MTBP: variants seen among roughly 807,000 people sequenced by gnomAD.
MTBP encodes MDM2 binding protein.
Under a neutral mutation model 117.0 loss-of-function variants are expected in MTBP, and 101 were observed. That is an observed-to-expected ratio of 0.86 (90% CI 0.73 to 1.02). MTBP has a LOEUF of 1.02. MTBP is among the 50% of genes least tolerant of loss of function. MTBP has a pLI of 0.00. For synonymous variants in MTBP, 350 were observed against 351.5 expected (o/e 1.00, Z 0.05); for missense variants, 970 against 1,030.9 (o/e 0.94, Z 0.81).
At chr8:120,495,967 C>T (rs1009860732) in intron 13 of MTBP, among the ~76,000 whole-genome samples, 1 of 152,076 alleles carries the variant, frequency 6.6e-6, no homozygotes, top group Admixed American at 6.6e-5. Flanking sequence ...ACTTCTCCCC[C>T]CCAACATTTG....
At chr8:120,505,529 C>T (rs1814670593) in intron 15 of MTBP, among the ~76,000 whole-genome samples, 1 of 152,100 alleles carries the variant, frequency 6.6e-6, no homozygotes, top group African/African-American at 2.4e-5. Context: ...AGGAAAGAGG[C>T]ACTGTCAGTA....
At chr8:120,460,291 T>A (rs1813556238) in intron 8 of MTBP, among the ~76,000 whole-genome samples, 1 of 152,136 alleles carries the variant, frequency 6.6e-6, no homozygotes, top group Non-Finnish European at 1.5e-5. Context: ...GTGTCCAAAT[T>A]TTTGCTACTG....
At chr8:120,482,873 G>A (rs1373223825) in intron 11 of MTBP, among the ~76,000 whole-genome samples, 5 of 151,542 alleles carry the variant, frequency 3.3e-5, no homozygotes, top group African/African-American at 1.2e-4. Flanking sequence ...CTAATTTTTT[G>A]TATTTTTAGT....
intron 6 of MTBP, among the ~76,000 whole-genome samples, chr8:120,455,840 A>G (rs1195669993): frequency 6.6e-6 from 1 of 152,106 alleles, no homozygotes; most frequent in African/African-American, 2.4e-5. Context: ...TAATTCTATA[A>G]GCACACTGTG....
intron 15 of MTBP, 136 bp downstream of exon 15, chr8:120,502,745 A>T (rs937307095): frequency 3.5e-6 from 2 of 568,030 alleles, no homozygotes; most frequent in Non-Finnish European, 6.0e-6. Flanking sequence ...TACTGTGAAT[A>T]GATAGTTAAT....
At chr8:120,458,084 T>C (rs1813508647) in intron 7 of MTBP, among the ~76,000 whole-genome samples, 1 of 152,186 alleles carries the variant, frequency 6.6e-6, no homozygotes, top group Non-Finnish European at 1.5e-5. Flanking sequence ...GTTCTTTTCA[T>C]GTGATTCTTT....
chr8:120,470,204 A>G lies in MTBP; in HGVS notation c.1048-616A>G, dbSNP rs117839839. On this transcript the variant is annotated intron_variant, in intron 10 of 21. Transcript: ENST00000305949. The stretch of plus-strand genomic sequence containing the variant: ...TTTGTTGAACCAATATTTAATAAGC[A>G]TCTGTATCCCCAGCCCTGGCAATAC... Among the ~76,000 whole-genome samples, 175 of 152,346 alleles carry G rather than the reference A, an allele frequency of 1.1e-3. 2 individuals carry two copies. The East Asian group carries it at 0.028, about 24-fold the overall frequency.
chr8:120,488,297 G>C lies in MTBP; in HGVS notation c.1304G>C (p.Gly435Ala), dbSNP rs765895686. The C allele has an allele frequency of 6.4e-7, 1 of 1,564,066 alleles. No individual in the cohort carries two copies. Residue 435 changes from glycine (G) to alanine (A), a missense_variant, in exon 12 of 22, where the codon GGA becomes GCA. Coordinates refer to ENST00000305949, the MANE Select transcript of MTBP (RefSeq NM_022045.5). Reference sequence around the variant, plus strand: ...TCATTTGCACTCAATTTAATTCATGGAAAGATGAAAACAAAGACAGAAGAA... The same window carrying C: ...TCATTTGCACTCAATTTAATTCATGCAAAGATGAAAACAAAGACAGAAGAA... ...NGSFALNLIHGKMKTKTEEAK... is the reference protein window; with the variant it reads ...NGSFALNLIHAKMKTKTEEAK...
chr8:120,517,585 T>G (rs1024581369), intron 18 of MTBP, among the ~76,000 whole-genome samples: 10 of 151,924 alleles, frequency 6.6e-5, no homozygotes, highest in African/African-American at 2.4e-4. Context: ...TTTTGTTTGC[T>G]TTTCTTGAAT....
chr8:120,472,183 A>G (rs1813830632), intron 11 of MTBP: 1 of 152,232 alleles, frequency 6.6e-6, no homozygotes, highest in Admixed American at 6.5e-5. Context: ...ATACAGTTTT[A>G]AAATCAGTAG....
At chr8:120,463,473 C>G (rs537806574) in intron 9 of MTBP, among the ~76,000 whole-genome samples, 67 of 152,110 alleles carry the variant, frequency 4.4e-4, no homozygotes, top group Non-Finnish European at 7.9e-4. Flanking sequence ...TAGTAATGCT[C>G]TATATAGTAG....
intron 14 of MTBP, among the ~76,000 whole-genome samples, chr8:120,501,528 G>A (rs1334741302): frequency 6.6e-6 from 1 of 150,626 alleles, no homozygotes; most frequent in African/African-American, 2.4e-5. Flanking sequence ...CAGCCTGGGC[G>A]ACAGAGTGAG....
Position 120,506,747 on chromosome 8 carries a change from A to C in MTBP, c.1769A>C (p.His590Pro). ...LPHSSEQLLG[H>P]KEGPRDSITL... Reference sequence around the variant, plus strand: ...CATTCATCTGAACAGTTGCTGGGCCACAAAGAGGGTCCTCGGGACTCAATC... The same window carrying C: ...CATTCATCTGAACAGTTGCTGGGCCCCAAAGAGGGTCCTCGGGACTCAATC... The change falls in exon 16 of 22, where the codon CAC becomes CCC. Residue 590 changes from histidine (H) to proline (P), a missense_variant. Physicochemically the swap from His to Pro is moderately conservative, Grantham distance 77 (BLOSUM62 -2). Transcript: ENST00000305949. The C allele has an allele frequency of 6.2e-7, 1 of 1,613,104 alleles. No individual in the cohort carries two copies.
At chr8:120,480,172 A>G (rs569578524) in intron 11 of MTBP, among the ~76,000 whole-genome samples, 3 of 151,948 alleles carry the variant, frequency 2.0e-5, no homozygotes, top group East Asian at 1.9e-4. Flanking sequence ...GACTTTCTAT[A>G]GAAATTGACA....
In MTBP at chr8:120,518,128, G is replaced by A. The variant is rs375736782; in HGVS notation, c.2496+28G>A. 47 of 1,572,222 alleles carry A rather than the reference G, an allele frequency of 3.0e-5. No individual in the cohort carries two copies. In the African/African-American group the frequency reaches 5.8e-4, roughly 19 times the overall value. ...AAAGATTTATTTCCCATTTTTCTTAGTTCTACATAGGAAGACTTTTTAAAT... is the reference window on the plus strand; with the variant it reads ...AAAGATTTATTTCCCATTTTTCTTAATTCTACATAGGAAGACTTTTTAAAT... On this transcript the variant is annotated intron_variant, in intron 19 of 21. Transcript: ENST00000305949.
chr8:120,522,800 C>A (rs1815027768), intron 21 of MTBP, 81 bp downstream of exon 21: 1 of 1,018,674 alleles, frequency 9.8e-7, no homozygotes, highest in Non-Finnish European at 1.4e-6. Flanking sequence ...ATTATATATG[C>A]AGCAGTAATC....
intron 17 of MTBP, among the ~76,000 whole-genome samples, chr8:120,511,530 G>A (rs974415207): frequency 2.0e-5 from 3 of 152,064 alleles, no homozygotes; most frequent in Admixed American, 6.5e-5. Flanking sequence ...CCTAACCTCA[G>A]GTGATCCACC....
At chr8:120,495,938 A>G (rs1405645297) in intron 13 of MTBP, among the ~76,000 whole-genome samples, 1 of 151,864 alleles carries the variant, frequency 6.6e-6, no homozygotes, top group Non-Finnish European at 1.5e-5. Context: ...TTAGTTTGGG[A>G]TTCCAATGAA....
intron 9 of MTBP, 59 bp downstream of exon 9, chr8:120,461,314 C>T: frequency 8.3e-7 from 1 of 1,206,282 alleles, no homozygotes; most frequent in Non-Finnish European, 1.2e-6. Context: ...GTAGAATGTT[C>T]TGGTATTGTC....
Sources: allele counts gnomAD v4.1 joint callset (sites outside exome capture counted in the v4.1 genomes callset), GRCh38; gene constraint gnomAD v4.1.1; transcripts MANE v1.5; gene names NCBI Gene and HGNC (gene_info 2026-07-23, HGNC 2026-07-21).